The following MBNL1 variants were observed in gnomAD, a reference collection of about 807,000 sequenced individuals.
The protein encoded by MBNL1 is muscleblind like splicing regulator 1, also known as muscleblind-like protein 1.
In MBNL1, 8 loss-of-function variants were observed where a neutral mutation model predicts 42.2. That is an observed-to-expected ratio of 0.19 (90% CI 0.11 to 0.34). The LOEUF (loss-of-function observed/expected upper bound fraction) is 0.34, where lower values mean the gene tolerates loss of function less well. MBNL1 is among the 10% of genes least tolerant of loss of function. MBNL1 has a pLI of 1.00. For missense variants in MBNL1, 309 were observed against 495.3 expected (o/e 0.62, Z 3.57); for synonymous variants, 169 against 173.9 (o/e 0.97, Z 0.22).
At chr3:152,359,480 G>T (rs991919703) in intron 2 of MBNL1, among the ~76,000 whole-genome samples, 3 of 152,008 alleles carry the variant, frequency 2.0e-5, no homozygotes, top group African/African-American at 7.3e-5. Context: ...TGATTTGTCA[G>T]GTTTGCTGAT....
intron 3 of MBNL1, among the ~76,000 whole-genome samples, chr3:152,429,816 G>T (rs963005384): frequency 1.3e-5 from 2 of 152,094 alleles, no homozygotes; most frequent in Admixed American, 6.6e-5. Flanking sequence ...GTGTGTGTCT[G>T]TCTGTCTGTC....
chr3:152,277,755 A>G (rs973408475), intron 1 of MBNL1, among the ~76,000 whole-genome samples: 4 of 152,138 alleles, frequency 2.6e-5, no homozygotes, highest in African/African-American at 7.2e-5. Flanking sequence ...ACATTGATAG[A>G]TTATGTTTTA....
chr3:152,248,766 C>A (rs544360733), intron 2 of MBNL1, among the ~76,000 whole-genome samples: 494 of 151,990 alleles, frequency 3.3e-3, no homozygotes, highest in African/African-American at 0.011. Flanking sequence ...ATCCCTCCCC[C>A]CTTCCCCCAC....
chr3:152,456,133 G>A (rs1204841112), intron 7 of MBNL1, 134 bp from the exon 8 acceptor site: 14 of 653,242 alleles, frequency 2.1e-5, no homozygotes, highest in East Asian at 5.2e-5. Flanking sequence ...CATGTCACTC[G>A]CTGGTGATGA....
intron 2 of MBNL1, among the ~76,000 whole-genome samples, chr3:152,350,707 A>G (rs746163689): frequency 1.1e-4 from 16 of 152,092 alleles, no homozygotes; most frequent in Non-Finnish European, 2.2e-4. Context: ...GACAGAAATG[A>G]AGGTGCTTAG....
At chr3:152,404,245 G>A (rs959904539) in intron 2 of MBNL1, among the ~76,000 whole-genome samples, 10 of 152,112 alleles carry the variant, frequency 6.6e-5, no homozygotes, top group African/African-American at 2.4e-4. Flanking sequence ...GTAAATGGCA[G>A]CCAAAATTTT....
chr3:152,268,813 G>A (rs539920091), upstream of MBNL1: 19 of 453,228 alleles, frequency 4.2e-5, no homozygotes, highest in African/African-American at 3.6e-4. Flanking sequence ...CGTGCATTAG[G>A]AGCTCGACGA....
intron 2 of MBNL1, among the ~76,000 whole-genome samples, chr3:152,360,477 G>C (rs1578652921): frequency 6.6e-6 from 1 of 152,010 alleles, no homozygotes; most frequent in African/African-American, 2.4e-5. Flanking sequence ...GGAATCCCCT[G>C]ATCTTCTTCC....
chr3:152,299,491 A>G lies in MBNL1; in HGVS notation c.-703A>G. The G allele has an allele frequency of 2.6e-6, 1 of 387,516 alleles. No individual in the cohort carries two copies. 24.0% of individuals were successfully genotyped at this position (387,516 alleles called of 1,614,324 possible). A position where few individuals can be genotyped will look rare whatever the true frequency, so the allele number is the denominator to read the frequency against. Reference sequence around the variant, plus strand: ...CTCTGCTTTTGCCTTGCTTGCTGCCAGCTAGACTGTGACGACAGCACATCC... The same window carrying G: ...CTCTGCTTTTGCCTTGCTTGCTGCCGGCTAGACTGTGACGACAGCACATCC... On this transcript the variant is annotated 5_prime_UTR_variant, in exon 2 of 10. Transcript: ENST00000324210.
intron 6 of MBNL1, among the ~76,000 whole-genome samples, chr3:152,449,606 A>C (rs1717821956): frequency 6.6e-6 from 1 of 152,198 alleles, no homozygotes; most frequent in Non-Finnish European, 1.5e-5. Flanking sequence ...CTGTGGATAG[A>C]GCCAAAGATG....
intron 2 of MBNL1, among the ~76,000 whole-genome samples, chr3:152,346,478 T>G (rs570998296): frequency 9.2e-5 from 14 of 152,178 alleles, no homozygotes; most frequent in Non-Finnish European, 1.6e-4. Flanking sequence ...GAAGAGTTTA[T>G]TTTATGAGAA....
chr3:152,448,130 TAG>T (rs1455308276), intron 6 of MBNL1, among the ~76,000 whole-genome samples: 2 of 152,204 alleles, frequency 1.3e-5, no homozygotes, highest in African/African-American at 4.8e-5. Context: ...CATTATTCCA[TAG>T]AGTTAATTTA....
chr3:152,381,684 C>A (rs1403247790), intron 2 of MBNL1, among the ~76,000 whole-genome samples: 2 of 151,686 alleles, frequency 1.3e-5, no homozygotes, highest in Non-Finnish European at 2.9e-5. Context: ...GCCAATAATT[C>A]TTTTCATTCA....
intron 3 of MBNL1, among the ~76,000 whole-genome samples, chr3:152,427,277 G>A (rs968660263): frequency 4.6e-5 from 7 of 152,166 alleles, no homozygotes; most frequent in African/African-American, 1.4e-4. Context: ...CAGTCAAACT[G>A]GATTGAAGGA....
intron 2 of MBNL1, among the ~76,000 whole-genome samples, chr3:152,362,985 T>C (rs1283349312): frequency 6.6e-6 from 1 of 152,126 alleles, no homozygotes; most frequent in Non-Finnish European, 1.5e-5. Context: ...GTGTGAAGTT[T>C]CCATGTTTTT....
At chr3:152,436,519 T>G (rs2099080516) in intron 4 of MBNL1, among the ~76,000 whole-genome samples, 1 of 152,202 alleles carries the variant, frequency 6.6e-6, no homozygotes, top group African/African-American at 2.4e-5. Flanking sequence ...GTGAAGCAGT[T>G]TTATTCCCCC....
At chr3:152,331,901 A>T (rs1379110513) in intron 2 of MBNL1, among the ~76,000 whole-genome samples, 1 of 152,208 alleles carries the variant, frequency 6.6e-6, no homozygotes, top group East Asian at 1.9e-4. Flanking sequence ...TATGTTGGCC[A>T]GGCTGGTCTT....
chr3:152,387,525 G>A (rs758571715), intron 2 of MBNL1, among the ~76,000 whole-genome samples: 1 of 152,050 alleles, frequency 6.6e-6, no homozygotes, highest in Non-Finnish European at 1.5e-5. Flanking sequence ...ACCAAAATCT[G>A]ATTAGTCACT....
chr3:152,273,689 TTTC>T (rs2043214296), intron 1 of MBNL1, among the ~76,000 whole-genome samples: 1 of 152,198 alleles, frequency 6.6e-6, no homozygotes, highest in Non-Finnish European at 1.5e-5. Flanking sequence ...GAGAATTGCT[TTTC>T]CACAGAGACC....
Sources: gnomAD v4.1 joint callset for allele counts (sites outside exome capture counted in the v4.1 genomes callset) on GRCh38, gnomAD v4.1.1 for gene constraint, MANE v1.5 for transcripts, NCBI Gene and HGNC (gene_info 2026-07-23, HGNC 2026-07-21) for gene names.